DLGAP2: variants seen among roughly 807,000 people sequenced by gnomAD.
The protein encoded by DLGAP2 is disks large-associated protein 2.
A neutral mutation model predicts 100.3 loss-of-function variants in DLGAP2; 26 were observed. The observed-to-expected ratio is 0.26, with a 90% CI of 0.19 to 0.36. DLGAP2 has a LOEUF of 0.36. DLGAP2 is among the 10% of genes least tolerant of loss of function. The pLI is 1.00. For synonymous variants in DLGAP2, 886 were observed against 630.1 expected (o/e 1.41, Z -6.08); for missense variants, 1,858 against 1,453.2 (o/e 1.28, Z -4.53).
intron 2 of DLGAP2, among the ~76,000 whole-genome samples, chr8:1,191,630 G>A (rs1030115520): frequency 2.0e-5 from 3 of 150,256 alleles, no homozygotes; most frequent in Non-Finnish European, 4.5e-5. Flanking sequence ...ATCTGGGTCC[G>A]TTCTCTGTTG....
At chr8:1,515,023 C>G (rs181568470) in intron 4 of DLGAP2, among the ~76,000 whole-genome samples, 8 of 151,058 alleles carry the variant, frequency 5.3e-5, no homozygotes, top group African/African-American at 2.0e-4. Flanking sequence ...GGAGGGAGAC[C>G]GACGTGCAGG....
Position 901,991 on chromosome 8 carries a change from C to T in DLGAP2, c.19-5921C>T, listed in dbSNP as rs144954357. Among the ~76,000 whole-genome samples the T allele has an allele frequency of 7.3e-3, 1,115 of 152,300 alleles. 16 individuals are homozygous for T. The highest frequency in any genetic ancestry group is 0.014 in the African/African-American group (565 of 41,570). On this transcript the variant is annotated intron_variant, in intron 1 of 14. Transcript: ENST00000637795. ...GAGCCGTGCAACCCCCACTGGACCCCACCTGTGAGGTTCTGTGGTCAGGGG... is the reference window on the plus strand; with the variant it reads ...GAGCCGTGCAACCCCCACTGGACCCTACCTGTGAGGTTCTGTGGTCAGGGG...
In DLGAP2 at chr8:1,494,182, C is replaced by A. The variant is rs9918913; in HGVS notation, c.107-7184C>A. Among the ~76,000 whole-genome samples the A allele has an allele frequency of 2.3e-3, 343 of 152,332 alleles. 2 individuals carry two copies. The highest frequency in any genetic ancestry group is 7.8e-3 in the African/African-American group (326 of 41,580). Reference sequence around the variant, plus strand: ...TATGAGGTGATAATACTATTGTTTCCTTTTCCATCAAGAAATCCAGTCTTT... The same window carrying A: ...TATGAGGTGATAATACTATTGTTTCATTTTCCATCAAGAAATCCAGTCTTT... On this transcript the variant is annotated intron_variant, in intron 3 of 14. Transcript: ENST00000637795.
intron 1 of DLGAP2, among the ~76,000 whole-genome samples, chr8:870,281 G>T (rs1039276393): frequency 1.3e-5 from 2 of 152,180 alleles, no homozygotes; most frequent in African/African-American, 2.4e-5. Flanking sequence ...CAATCATGCA[G>T]ATGATGCTTA....
At chr8:969,769 A>G (rs1799969063) in intron 2 of DLGAP2, among the ~76,000 whole-genome samples, 1 of 152,102 alleles carries the variant, frequency 6.6e-6, no homozygotes, top group South Asian at 2.1e-4. Flanking sequence ...GAGAATTTAC[A>G]CAGTGGGAAT....
At chr8:1,017,538 A>G (rs1261244246) in intron 2 of DLGAP2, among the ~76,000 whole-genome samples, 5 of 126,920 alleles carry the variant, frequency 3.9e-5, no homozygotes, top group Non-Finnish European at 8.0e-5. Context: ...GTGTGTGACC[A>G]GGACAGACGA....
chr8:1,549,299 G>C lies in DLGAP2; in HGVS notation c.846G>C (p.Glu282Asp), dbSNP rs752416915. The change falls in exon 5 of 15, where the codon GAG becomes GAC. Residue 282 changes from glutamate to aspartate, a missense_variant. By Grantham distance (45) the Glu-to-Asp change is conservative. Transcript: ENST00000637795. ...AKHSKRSKSK[E>D]RKPEGKPRPG... is the part of the protein sequence containing the mutation. The stretch of plus-strand genomic sequence containing the variant: ...ACAGCAAGAGGAGCAAGAGCAAGGA[G>C]CGCAAGCCGGAGGGCAAGCCCCGGC... 2 of 1,612,464 alleles carry C rather than the reference G, an allele frequency of 1.2e-6. No homozygotes were observed. The highest frequency in any genetic ancestry group is 2.2e-5 in the South Asian group (2 of 91,040).
chr8:836,639 G>C (rs1179340532), intron 1 of DLGAP2, among the ~76,000 whole-genome samples: 2 of 152,190 alleles, frequency 1.3e-5, no homozygotes, highest in Non-Finnish European at 2.9e-5. Flanking sequence ...GGGTTGGGGT[G>C]CTCCTACTTC....
chr8:1,571,760 G>A (rs1584940961), intron 6 of DLGAP2, among the ~76,000 whole-genome samples: 15 of 136,348 alleles, frequency 1.1e-4, no homozygotes, highest in Middle Eastern at 4.5e-3. Context: ...GGTGAACTGT[G>A]GGGGCGTCTT....
intron 6 of DLGAP2, among the ~76,000 whole-genome samples, chr8:1,591,709 C>T (rs1049313428): frequency 1.9e-4 from 29 of 152,238 alleles, no homozygotes; most frequent in African/African-American, 6.3e-4. Context: ...CAGTTTACAC[C>T]CCACACACCC....
chr8:1,176,535 G>A (rs1797261079), intron 2 of DLGAP2, among the ~76,000 whole-genome samples: 1 of 152,226 alleles, frequency 6.6e-6, no homozygotes, highest in South Asian at 2.1e-4. Context: ...CAGCCGCCCT[G>A]TGAATTTAAC....
intron 2 of DLGAP2, among the ~76,000 whole-genome samples, chr8:980,413 C>T (rs946716047): frequency 1.3e-5 from 2 of 152,198 alleles, no homozygotes; most frequent in African/African-American, 2.4e-5. Flanking sequence ...ACAAAGTCAA[C>T]TATTGCAGTT....
intron 1 of DLGAP2, among the ~76,000 whole-genome samples, chr8:787,083 A>T (rs1003118076): frequency 6.6e-6 from 1 of 152,138 alleles, no homozygotes; most frequent in African/African-American, 2.4e-5. Flanking sequence ...TTGGAATATT[A>T]TTCTAGGTAA....
At chr8:1,258,394 A>G (rs1430332760) in intron 2 of DLGAP2, among the ~76,000 whole-genome samples, 1 of 143,856 alleles carries the variant, frequency 7.0e-6, no homozygotes, top group Non-Finnish European at 1.5e-5. Context: ...ATGAGAACAC[A>G]TGGACATAGA....
At chr8:1,196,998 A>G (rs1797765460) in intron 2 of DLGAP2, among the ~76,000 whole-genome samples, 2 of 152,152 alleles carry the variant, frequency 1.3e-5, no homozygotes, top group Non-Finnish European at 2.9e-5. Context: ...TCTGCGTTTG[A>G]AGGCCTGAAA....
chr8:1,581,928 A>C (rs1274532057), intron 6 of DLGAP2, among the ~76,000 whole-genome samples: 1 of 151,292 alleles, frequency 6.6e-6, no homozygotes, highest in African/African-American at 2.4e-5. Context: ...ACATCTACAC[A>C]CCACAGTCAA....
intron 2 of DLGAP2, among the ~76,000 whole-genome samples, chr8:1,249,209 C>G (rs1208389069): frequency 3.3e-5 from 5 of 152,246 alleles, no homozygotes; most frequent in Admixed American, 1.3e-4. Context: ...ACTCCACAGG[C>G]TCAGAACTCT....
chr8:1,183,222 G>C (rs999142965), intron 2 of DLGAP2, among the ~76,000 whole-genome samples: 15 of 152,174 alleles, frequency 9.9e-5, no homozygotes, highest in Non-Finnish European at 1.5e-4. Flanking sequence ...GGGTCCTGGC[G>C]TGGAGGGGAG....
intron 2 of DLGAP2, among the ~76,000 whole-genome samples, chr8:1,225,279 C>G (rs60488625): frequency 6.6e-6 from 1 of 152,132 alleles, no homozygotes; most frequent in Non-Finnish European, 1.5e-5. Context: ...GATGTTACAG[C>G]GGAGGAAGGA....
Sources: allele counts gnomAD v4.1 joint callset (sites outside exome capture counted in the v4.1 genomes callset), GRCh38; gene constraint gnomAD v4.1.1; transcripts MANE v1.5; gene names NCBI Gene and HGNC (gene_info 2026-07-23, HGNC 2026-07-21).